Variants in ZMAT4 observed in about 807,000 individuals in gnomAD.
The protein encoded by ZMAT4 is zinc finger matrin-type 4, also known as zinc finger matrin-type protein 4.
A neutral mutation model predicts 28.7 loss-of-function variants in ZMAT4; 17 were observed. The observed-to-expected ratio is 0.59, with a 90% CI of 0.41 to 0.89. The LOEUF is 0.89. Among genes scored for constraint, ZMAT4 ranks in the 40% least tolerant of loss-of-function variants. The pLI is 0.00. For missense variants in ZMAT4, 240 were observed against 283.8 expected, an observed-to-expected ratio of 0.85 and a Z score of 1.11; for synonymous variants, 117 against 109.2, an observed-to-expected ratio of 1.07 and a Z score of -0.44.
At chr8:40,849,118 A>G (rs551146214) in intron 1 of ZMAT4, among the ~76,000 whole-genome samples, 1 of 152,374 alleles carries the variant, frequency 6.6e-6, no homozygotes, top group Non-Finnish European at 1.5e-5. Context: ...AGGCCTGCAC[A>G]GCTGCCTAGA....
chr8:40,704,801 C>T (rs1440792546), intron 3 of ZMAT4, among the ~76,000 whole-genome samples: 1 of 152,232 alleles, frequency 6.6e-6, no homozygotes, highest in African/African-American at 2.4e-5. Flanking sequence ...ACCAATATGA[C>T]TGCTTTGTCT....
intron 2 of ZMAT4, among the ~76,000 whole-genome samples, chr8:40,785,427 T>TG: frequency 6.6e-6 from 1 of 152,348 alleles, no homozygotes; most frequent in African/African-American, 2.4e-5. Flanking sequence ...CAAGGTACAA[T>TG]GTACTGTAGG....
chr8:40,813,653 A>T (rs909764752), intron 2 of ZMAT4, among the ~76,000 whole-genome samples: 10 of 151,090 alleles, frequency 6.6e-5, no homozygotes, highest in Non-Finnish European at 1.2e-4. Context: ...AGGGCCAGAG[A>T]CCCGGTGAGT....
chr8:40,791,522 A>G (rs1814323111), intron 2 of ZMAT4, among the ~76,000 whole-genome samples: 1 of 152,200 alleles, frequency 6.6e-6, no homozygotes, highest in South Asian at 2.1e-4. Flanking sequence ...GCAACCAGCC[A>G]AGGTCACACA....
At chr8:40,690,723 T>C (rs2150488028) in intron 4 of ZMAT4, among the ~76,000 whole-genome samples, 1 of 152,314 alleles carries the variant, frequency 6.6e-6, no homozygotes, top group Middle Eastern at 3.4e-3. Flanking sequence ...CCCTGATCTT[T>C]ACTTATTCAA....
At chr8:40,565,746 G>A (rs557461272) in intron 6 of ZMAT4, among the ~76,000 whole-genome samples, 2 of 148,746 alleles carry the variant, frequency 1.3e-5, no homozygotes, top group African/African-American at 4.9e-5. Context: ...CCCAACTCAG[G>A]TTCCAGGCTA....
chr8:40,674,600 C>T lies in ZMAT4; in HGVS notation c.577+104G>A. On this transcript the variant is annotated intron_variant, in intron 5 of 6. Coordinates refer to ENST00000297737, the MANE Select transcript of ZMAT4 (RefSeq NM_024645.3). ...TTCTTTTGGGTGAGCCTCACTTTTT[C>T]CTTAATAATTAAAGCAAGAAGAAGA... 1.1e-5 allele frequency: 10 copies of T among 934,628 alleles called. No individual in the cohort carries two copies. In the Admixed American group the frequency reaches 1.1e-4, roughly 10 times the overall value. The allele number at this position is 934,628 out of a possible 1,614,324, so 57.9% of individuals were successfully genotyped here.
chr8:40,648,101 C>A (rs376535872), intron 5 of ZMAT4, among the ~76,000 whole-genome samples: 1 of 152,158 alleles, frequency 6.6e-6, no homozygotes, highest in Non-Finnish European at 1.5e-5. Context: ...TGAGAGAAGG[C>A]GGCTTCAGAC....
intron 5 of ZMAT4, among the ~76,000 whole-genome samples, chr8:40,656,868 T>C (rs1387813599): frequency 6.6e-6 from 1 of 152,128 alleles, no homozygotes; most frequent in African/African-American, 2.4e-5. Context: ...GACTAGTGGT[T>C]GCTTGGGGCT....
intron 6 of ZMAT4, among the ~76,000 whole-genome samples, chr8:40,580,328 C>T (rs1439923569): frequency 2.0e-5 from 3 of 151,962 alleles, no homozygotes; most frequent in African/African-American, 7.3e-5. Context: ...TCTTTTCTTC[C>T]CTAGTGCACA....
chr8:40,826,400 T>C (rs1420421090), intron 1 of ZMAT4, among the ~76,000 whole-genome samples: 3 of 152,174 alleles, frequency 2.0e-5, no homozygotes, highest in Non-Finnish European at 4.4e-5. Context: ...TCCAGGAAAT[T>C]ATAACATAAT....
At chr8:40,716,225 T>C (rs950646296) in intron 3 of ZMAT4, among the ~76,000 whole-genome samples, 3 of 149,746 alleles carry the variant, frequency 2.0e-5, no homozygotes, top group Non-Finnish European at 3.0e-5. Flanking sequence ...AGCATCAGTG[T>C]CACCTGAGAG....
In ZMAT4 at chr8:40,585,391, A is replaced by G. The variant is rs533148841; in HGVS notation, c.578-4130T>C. On this transcript the variant is annotated intron_variant, in intron 5 of 6. Coordinates refer to ENST00000297737, the MANE Select transcript of ZMAT4 (RefSeq NM_024645.3). ...GTGGATGCATCCTCCAGTGATCATG[A>G]TAAAATCTAGATTCCCAGGCAAAAC... 3.3e-5 allele frequency among the ~76,000 whole-genome samples: 5 copies of G among 152,210 alleles called. No individual in the cohort carries two copies. In the South Asian group the frequency reaches 1.0e-3, roughly 32 times the overall value.
intron 5 of ZMAT4, among the ~76,000 whole-genome samples, chr8:40,672,763 T>C (rs550405619): frequency 6.6e-6 from 1 of 152,220 alleles, no homozygotes; most frequent in Non-Finnish European, 1.5e-5. Flanking sequence ...CAACTTGTTA[T>C]CTGCCAGTAA....
chr8:40,813,534 G>A (rs1010482329), intron 2 of ZMAT4, among the ~76,000 whole-genome samples: 3 of 152,258 alleles, frequency 2.0e-5, no homozygotes, highest in Non-Finnish European at 1.5e-5. Flanking sequence ...TCCAAAGGAA[G>A]CATGAACCTT....
chr8:40,550,285 C>G lies in ZMAT4; in HGVS notation c.675-18047G>C, dbSNP rs370984847. ...TGCACAGTGTCCAGGATGCTTCCAC[C>G]TGACCATCCTTCCCTCTGTCTTCCA... On this transcript the variant is annotated intron_variant, in intron 6 of 6. Coordinates refer to ENST00000297737, the MANE Select transcript of ZMAT4 (RefSeq NM_024645.3). Among the ~76,000 whole-genome samples the G allele has an allele frequency of 2.2e-4, 33 of 152,222 alleles. 1 individual carries two copies. Among genetic ancestry groups the G allele is most frequent in the African/African-American group, 7.5e-4 (31 of 41,546 alleles).
intron 5 of ZMAT4, among the ~76,000 whole-genome samples, chr8:40,617,101 A>T (rs1476825095): frequency 6.6e-6 from 1 of 152,180 alleles, no homozygotes; most frequent in Admixed American, 6.5e-5. Context: ...ATATCGTGAC[A>T]TGGTGTGATG....
At chr8:40,697,818 G>A (rs1261396019) in intron 3 of ZMAT4, among the ~76,000 whole-genome samples, 1 of 148,618 alleles carries the variant, frequency 6.7e-6, no homozygotes, top group African/African-American at 2.5e-5. Flanking sequence ...AGCTATTAAT[G>A]CCAGATACTG....
At chr8:40,820,439 GTATT>G (rs1815721666) in intron 2 of ZMAT4, among the ~76,000 whole-genome samples, 1 of 148,200 alleles carries the variant, frequency 6.7e-6, no homozygotes, top group African/African-American at 2.5e-5. Flanking sequence ...GCTTATGTGT[GTATT>G]TGTGTGTGGG....
Sources: gnomAD v4.1 joint callset for allele counts (sites outside exome capture counted in the v4.1 genomes callset) on GRCh38, gnomAD v4.1.1 for gene constraint, MANE v1.5 for transcripts, NCBI Gene and HGNC (gene_info 2026-07-23, HGNC 2026-07-21) for gene names.